Variants in AGBL1 observed in about 807,000 individuals in gnomAD.
AGBL1 encodes cytosolic carboxypeptidase 4.
Under a neutral mutation model 118.9 loss-of-function variants are expected in AGBL1, and 130 were observed. The ratio of observed to expected loss-of-function variants is 1.09; its 90% confidence interval spans 0.95 to 1.26. AGBL1 has a LOEUF of 1.26. Among genes scored for constraint, AGBL1 ranks in the 50% most tolerant of loss-of-function variants. The probability of loss-of-function intolerance (pLI) is 0.00; values close to 1 mark genes in which losing one functional copy is unlikely to be tolerated. For synonymous variants in AGBL1, 555 were observed against 478.9 expected (o/e 1.16, Z -2.08); for missense variants, 1,584 against 1,298.1 (o/e 1.22, Z -3.38).
rs139955775 is a variant in AGBL1, at chr15:86,357,997, T to C, written c.2375-39369T>C. 5.4e-3 allele frequency among the ~76,000 whole-genome samples: 819 copies of C among 152,192 alleles called. 3 individuals are homozygous for C. Among genetic ancestry groups the C allele is most frequent in the Non-Finnish European group, 8.2e-3 (555 of 67,964 alleles). ...TTCCACAATTAAGCTAATTAATATA[T>C]CTATCACCTCACATACTTATAATTT... On this transcript the variant is annotated intron_variant, in intron 17 of 22. Transcript: ENST00000614907.
At chr15:87,012,214 C>T (rs2081567666) in intron 24 of AGBL1, among the ~76,000 whole-genome samples, 1 of 139,020 alleles carries the variant, frequency 7.2e-6, no homozygotes, top group Non-Finnish European at 1.5e-5. Flanking sequence ...CACACACACA[C>T]ACACACACAC....
intron 18 of AGBL1, among the ~76,000 whole-genome samples, chr15:86,475,354 A>G (rs2082543165): frequency 1.3e-5 from 2 of 152,220 alleles, no homozygotes; most frequent in Admixed American, 1.3e-4. Flanking sequence ...GCTAACTAGA[A>G]TAACCAGTGT....
intron 24 of AGBL1, among the ~76,000 whole-genome samples, chr15:87,014,236 T>C (rs1225567002): frequency 6.6e-6 from 1 of 151,794 alleles, no homozygotes; most frequent in East Asian, 1.9e-4. Context: ...AATATATATG[T>C]CTAATGTTTT....
intron 18 of AGBL1, among the ~76,000 whole-genome samples, chr15:86,469,455 G>A (rs781725696): frequency 3.3e-5 from 5 of 152,054 alleles, no homozygotes; most frequent in Non-Finnish European, 5.9e-5. Flanking sequence ...GTATGTATGG[G>A]TCACATTTTC....
At chr15:86,221,706 T>C (rs1165285875) in intron 5 of AGBL1, among the ~76,000 whole-genome samples, 2 of 152,198 alleles carry the variant, frequency 1.3e-5, no homozygotes, top group East Asian at 1.9e-4. Flanking sequence ...TTTATTCTTA[T>C]ACAGATCTTA....
chr15:86,357,760 G>A (rs1567215740), intron 17 of AGBL1, among the ~76,000 whole-genome samples: 1 of 151,998 alleles, frequency 6.6e-6, no homozygotes, highest in Admixed American at 6.6e-5. Context: ...TTTCCAATCT[G>A]AATCTTTCCA....
At chr15:86,380,283 T>G (rs1238882146) in intron 17 of AGBL1, among the ~76,000 whole-genome samples, 1 of 149,744 alleles carries the variant, frequency 6.7e-6, no homozygotes, top group Non-Finnish European at 1.5e-5. Context: ...CTTCCTTTTT[T>G]TTTTTTTCTT....
chr15:86,936,203 A>G (rs1468605077), intron 23 of AGBL1, among the ~76,000 whole-genome samples: 1 of 152,150 alleles, frequency 6.6e-6, no homozygotes, highest in Admixed American at 6.5e-5. Context: ...AATGGACAAC[A>G]AATGCATTGC....
intron 18 of AGBL1, among the ~76,000 whole-genome samples, chr15:86,407,681 C>A (rs955030690): frequency 3.3e-5 from 5 of 152,068 alleles, no homozygotes; most frequent in Admixed American, 2.6e-4. Context: ...CCCTTTTTCT[C>A]CTTTTAGTCA....
chr15:86,254,022 T>A (rs2078857412), intron 7 of AGBL1, among the ~76,000 whole-genome samples: 1 of 152,156 alleles, frequency 6.6e-6, no homozygotes, highest in African/African-American at 2.4e-5. Context: ...GCAGGAGATG[T>A]TCGTGGCTTT....
intron 22 of AGBL1, among the ~76,000 whole-genome samples, chr15:86,829,745 T>G (rs2079077828): frequency 1.3e-5 from 2 of 152,168 alleles, no homozygotes. Flanking sequence ...CCTGTAGGAA[T>G]GGTCCCAAAG....
chr15:86,522,794 T>G lies in AGBL1; in HGVS notation c.2556-16T>G. On this transcript the variant is annotated splice_polypyrimidine_tract_variant and intron_variant, in intron 18 of 22. Transcript: ENST00000614907. ...TTCTGAATGTGTATTTATTTGCTTATTATTTGTTCCTGTAGCCACAGATGC... is the reference window on the plus strand; with the variant it reads ...TTCTGAATGTGTATTTATTTGCTTAGTATTTGTTCCTGTAGCCACAGATGC... 6.2e-7 allele frequency: 1 copy of G among 1,612,730 alleles called. No individual in the cohort carries two copies. The highest frequency in any genetic ancestry group is 1.1e-5 in the South Asian group (1 of 91,028).
chr15:86,515,846 C>T (rs745558431), intron 18 of AGBL1, among the ~76,000 whole-genome samples: 9 of 152,160 alleles, frequency 5.9e-5, no homozygotes, highest in Non-Finnish European at 1.0e-4. Flanking sequence ...GTGTTAAGGA[C>T]GTGCCCGTGA....
rs368033802 is a variant in AGBL1, at chr15:86,524,593, G to A, written c.2685+1654G>A. ...CAAATATCCTACGTGGCTGATCTTA[G>A]TTACTCTGTCTCCCATCTCTCCAGA... On this transcript the variant is annotated intron_variant, in intron 19 of 22. Transcript: ENST00000614907. 3.2e-4 allele frequency among the ~76,000 whole-genome samples: 48 copies of A among 152,258 alleles called. No individual in the cohort carries two copies. The East Asian group carries it at 4.1e-3, about 13-fold the overall frequency.
At chr15:86,877,798 AT>A (rs576016458) in intron 22 of AGBL1, among the ~76,000 whole-genome samples, 2 of 152,214 alleles carry the variant, frequency 1.3e-5, no homozygotes, top group South Asian at 2.1e-4. Flanking sequence ...TTTAAATTGC[AT>A]TTTTTTCCAA....
At chr15:86,788,113 G>T (rs1270759052) in intron 22 of AGBL1, among the ~76,000 whole-genome samples, 1 of 152,186 alleles carries the variant, frequency 6.6e-6, no homozygotes, top group East Asian at 1.9e-4. Context: ...GGAGGGAAAA[G>T]AACAGGATCT....
At chr15:86,887,482 C>A (rs2079987720) in intron 22 of AGBL1, among the ~76,000 whole-genome samples, 1 of 152,228 alleles carries the variant, frequency 6.6e-6, no homozygotes, top group African/African-American at 2.4e-5. Flanking sequence ...TTAAGCATCT[C>A]TCTCAAGCCA....
chr15:86,619,748 A>G (rs1156337186), intron 21 of AGBL1, among the ~76,000 whole-genome samples: 1 of 152,204 alleles, frequency 6.6e-6, no homozygotes, highest in Non-Finnish European at 1.5e-5. Context: ...AAATAGAGGT[A>G]CAATACCCGG....
intron 22 of AGBL1, among the ~76,000 whole-genome samples, chr15:86,770,159 A>G (rs113743296): frequency 0.015 from 2,307 of 152,134 alleles, 58 homozygotes; most frequent in African/African-American, 0.053. Context: ...AAACTAAACA[A>G]ACAAAAGCAT....
Sources: allele counts gnomAD v4.1 joint callset (sites outside exome capture counted in the v4.1 genomes callset), GRCh38; gene constraint gnomAD v4.1.1; transcripts MANE v1.5; gene names NCBI Gene and HGNC (gene_info 2026-07-23, HGNC 2026-07-21).